The following KIF26B variants were observed in gnomAD, a reference collection of about 807,000 sequenced individuals.
The protein encoded by KIF26B is kinesin family member 26B.
Under a neutral mutation model 151.2 loss-of-function variants are expected in KIF26B, and 63 were observed. The ratio of observed to expected loss-of-function variants is 0.42; its 90% CI spans 0.34 to 0.51. KIF26B has a LOEUF of 0.51. Among genes scored for constraint, KIF26B ranks in the 20% least tolerant of loss-of-function variants. KIF26B has a pLI of 0.07. For synonymous variants in KIF26B, 1,357 were observed against 1,262.1 expected (o/e 1.08, Z -1.59); for missense variants, 2,813 against 2,913.6 (o/e 0.97, Z 0.79).
intron 5 of KIF26B, among the ~76,000 whole-genome samples, chr1:245,591,506 G>C (rs113876626): frequency 6.6e-6 from 1 of 152,266 alleles, no homozygotes; most frequent in East Asian, 1.9e-4. Context: ...ACTGATCAAC[G>C]TACAGCCAGC....
rs1256394887 is a variant in KIF26B at position 245,702,043 on chromosome 1, C to G, written c.6179-415C>G. Among the ~76,000 whole-genome samples the G allele has an allele frequency of 1.3e-5, 2 of 152,198 alleles. No homozygotes were observed. The highest frequency in any genetic ancestry group is 4.8e-5 in the African/African-American group (2 of 41,450). On this transcript the variant is annotated intron_variant, in intron 14 of 14. Coordinates refer to ENST00000407071, the MANE Select transcript of KIF26B (RefSeq NM_018012.4). The surrounding 1 kb of genome is among the most constrained non-coding windows in gnomAD (Gnocchi z 4.1). ...AGAAACGTCCTTTCATATAAGGAAG[C>G]AGAGGTATAAATGTCACTCAACTGA...
chr1:245,401,047 T>A (rs1016107794), intron 3 of KIF26B, among the ~76,000 whole-genome samples: 5 of 152,248 alleles, frequency 3.3e-5, no homozygotes, highest in African/African-American at 4.8e-5. Context: ...ATTGTAAATC[T>A]GCTTCAAGTT....
At position 245,352,836 on chromosome 1, in the gene KIF26B, C is replaced by CAT. The variant is rs1553349885; in HGVS notation, c.466-13998_466-13997insAT. Among the ~76,000 whole-genome samples the CAT allele has an allele frequency of 1.3e-5, 2 of 148,738 alleles. No homozygotes were observed. Among genetic ancestry groups the CAT allele is most frequent in the Admixed American group, 6.7e-5 (1 of 14,892 alleles). On this transcript the variant is annotated intron_variant, in intron 2 of 14. Coordinates refer to ENST00000407071, the MANE Select transcript of KIF26B (RefSeq NM_018012.4). This position sits in a 1 kb window ranked among gnomAD's most constrained non-coding sequence, Gnocchi z 5.0. ...TGGTTTCTTCCTAAAGAGATGTACA[C>CAT]GTGTGTGTGTGTGTGTGTGTGGTGG...
intron 2 of KIF26B, among the ~76,000 whole-genome samples, chr1:245,288,825 A>C (rs1264806386): frequency 1.3e-5 from 2 of 152,200 alleles, no homozygotes; most frequent in Non-Finnish European, 2.9e-5. Context: ...TTTTTCCCTA[A>C]AAGACTTCAT....
At chr1:245,202,954 A>C (rs1558343726) in intron 2 of KIF26B, among the ~76,000 whole-genome samples, 2 of 148,442 alleles carry the variant, frequency 1.3e-5, no homozygotes, top group Non-Finnish European at 3.0e-5. Context: ...AAAAAACAAA[A>C]CAAAACAAAA....
chr1:245,405,624 GT>G (rs548316578), intron 3 of KIF26B, among the ~76,000 whole-genome samples: 152 of 144,714 alleles, frequency 1.1e-3, no homozygotes, highest in Admixed American at 2.1e-3. Flanking sequence ...TATTGATGTT[GT>G]TTTTTTTTTT....
chr1:245,421,053 A>T (rs1658473099), intron 4 of KIF26B, among the ~76,000 whole-genome samples: 1 of 152,218 alleles, frequency 6.6e-6, no homozygotes, highest in African/African-American at 2.4e-5. Flanking sequence ...AAATATGTAT[A>T]GGCTGGCCAC....
chr1:245,583,427 ACT>A (rs141944966), intron 5 of KIF26B, among the ~76,000 whole-genome samples: 4 of 151,400 alleles, frequency 2.6e-5, no homozygotes, highest in African/African-American at 4.9e-5. Flanking sequence ...CCTGGCTGAG[ACT>A]CTCTCTCTCT....
chr1:245,309,660 T>C (rs546222033), intron 2 of KIF26B, among the ~76,000 whole-genome samples: 1 of 148,126 alleles, frequency 6.8e-6, no homozygotes, highest in South Asian at 2.1e-4. Flanking sequence ...ATATATAATA[T>C]GAAATAAATT....
chr1:245,458,626 T>C (rs770770176), intron 4 of KIF26B, among the ~76,000 whole-genome samples: 1 of 152,182 alleles, frequency 6.6e-6, no homozygotes, highest in South Asian at 2.1e-4. Flanking sequence ...TCAAATAAAA[T>C]TTTTTAGGAG....
At chr1:245,293,485 G>A (rs1441473971) in intron 2 of KIF26B, among the ~76,000 whole-genome samples, 5 of 152,076 alleles carry the variant, frequency 3.3e-5, no homozygotes, top group Admixed American at 1.3e-4. Context: ...GGTCTTTGAA[G>A]GTAGAATTGA....
rs528904218 is a variant in KIF26B, at chr1:245,700,815, T to G, written c.6179-1643T>G. Among the ~76,000 whole-genome samples, 4 of 152,324 alleles carry G rather than the reference T, an allele frequency of 2.6e-5. No individual in the cohort carries two copies. The South Asian group carries it at 8.3e-4, about 32-fold the overall frequency. On this transcript the variant is annotated intron_variant, in intron 14 of 14. Transcript: ENST00000407071. Reference sequence around the variant, plus strand: ...ACAGGGGCGAGGGCGCTGGTTACTGTCTGCGCGTGACATGCGCACGGGGCG... The same window carrying G: ...ACAGGGGCGAGGGCGCTGGTTACTGGCTGCGCGTGACATGCGCACGGGGCG...
chr1:245,259,275 C>T (rs6428906), intron 2 of KIF26B, among the ~76,000 whole-genome samples: 89,450 of 152,040 alleles, frequency 0.59, 27,513 homozygotes, highest in African/African-American at 0.77. Flanking sequence ...CTAGGTGGTG[C>T]GGACTGAGGA....
intron 2 of KIF26B, among the ~76,000 whole-genome samples, chr1:245,215,757 C>T (rs544808401): frequency 7.0e-4 from 107 of 152,102 alleles, no homozygotes; most frequent in South Asian, 2.1e-3. Context: ...TGTCTTTGTG[C>T]TTTTGTGTTT....
chr1:245,340,766 T>TA (rs1338300859), intron 2 of KIF26B, among the ~76,000 whole-genome samples: 3 of 152,168 alleles, frequency 2.0e-5, no homozygotes, highest in Non-Finnish European at 2.9e-5. Flanking sequence ...TATGTGCACT[T>TA]AAAGAAATGT....
At chr1:245,580,579 G>A (rs1243737422) in intron 5 of KIF26B, among the ~76,000 whole-genome samples, 4 of 152,180 alleles carry the variant, frequency 2.6e-5, no homozygotes, top group Admixed American at 1.3e-4. Context: ...CTCCGGACTC[G>A]CCTCCTCCCT....
intron 2 of KIF26B, among the ~76,000 whole-genome samples, chr1:245,330,930 G>A (rs1672096358): frequency 6.6e-6 from 1 of 151,906 alleles, no homozygotes; most frequent in Admixed American, 6.6e-5. Context: ...ATGAGGTGCG[G>A]GAAGTCCCCG....
chr1:245,202,616 C>T (rs1310282325), intron 2 of KIF26B, among the ~76,000 whole-genome samples: 4 of 152,002 alleles, frequency 2.6e-5, no homozygotes, highest in African/African-American at 9.7e-5. Context: ...AAAAATTAGC[C>T]GGACGTGGTG....
intron 5 of KIF26B, among the ~76,000 whole-genome samples, chr1:245,541,659 T>A (rs546693614): frequency 6.6e-6 from 1 of 152,350 alleles, no homozygotes; most frequent in African/African-American, 2.4e-5. Context: ...CGTGGCGGTT[T>A]AATTTTTTAT....
Sources: allele counts gnomAD v4.1 joint callset (sites outside exome capture counted in the v4.1 genomes callset), GRCh38; gene constraint gnomAD v4.1.1; non-coding constraint Gnocchi (gnomAD v3.1); transcripts MANE v1.5; gene names NCBI Gene and HGNC (gene_info 2026-07-23, HGNC 2026-07-21).